The following ROS1 variants were observed in gnomAD, a reference collection of about 807,000 sequenced individuals.
ROS1 encodes proto-oncogene tyrosine-protein kinase ROS.
In ROS1, 263 loss-of-function variants were observed where a neutral mutation model predicts 273.5. That is an observed-to-expected ratio of 0.96 (90% confidence interval 0.87 to 1.06). The LOEUF (loss-of-function observed/expected upper bound fraction) is 1.06. ROS1 is among the 50% of genes least tolerant of loss of function. The probability of loss-of-function intolerance (pLI) is 0.00; values close to 1 mark genes in which losing one functional copy is unlikely to be tolerated. For missense variants in ROS1, 2,833 were observed against 2,751.1 expected, an observed-to-expected ratio of 1.03 and a Z score of -0.67; for synonymous variants, 1,008 against 954.1, an observed-to-expected ratio of 1.06 and a Z score of -1.04.
chr6:117,364,614 C>T (rs1780054672), intron 21 of ROS1, among the ~76,000 whole-genome samples: 1 of 152,206 alleles, frequency 6.6e-6, no homozygotes, highest in African/African-American at 2.4e-5. Context: ...AGGTGATACA[C>T]ACATGTAATG....
chr6:117,294,393 A>G (rs1423971763), intron 43 of ROS1, among the ~76,000 whole-genome samples: 1 of 151,974 alleles, frequency 6.6e-6, no homozygotes, highest in Non-Finnish European at 1.5e-5. Flanking sequence ...GAAAAACCTA[A>G]AGATTCCACA....
chr6:117,389,771 A>G lies in ROS1; in HGVS notation c.1365T>C (p.Ala455=), dbSNP rs375739794. 6.2e-7 allele frequency: 1 copy of G among 1,614,072 alleles called. No homozygotes were observed. Among genetic ancestry groups the G allele is most frequent in the Non-Finnish European group, 8.5e-7 (1 of 1,180,036 alleles). The change falls in exon 13 of 44, where the codon GCT becomes GCC. Residue 455 remains alanine (A), a synonymous_variant. Coordinates refer to ENST00000368507, the MANE Select transcript of ROS1 (RefSeq NM_001378902.1). ...LPVPSGRCAE[A]VRIVESCTLK... The stretch of plus-strand genomic sequence containing the variant: ...ACGTGCAACTCTCCACAATACGCAC[A>G]GCTTCTGCACACCGGCCAGATGGTA...
At chr6:117,312,764 T>C (rs2128551707) in intron 39 of ROS1, among the ~76,000 whole-genome samples, 1 of 152,276 alleles carries the variant, frequency 6.6e-6, no homozygotes, top group African/African-American at 2.4e-5. Context: ...TCCTTGACTC[T>C]AGATGCTACT....
At chr6:117,323,041 A>C (rs1034205384) in intron 35 of ROS1, among the ~76,000 whole-genome samples, 1 of 152,196 alleles carries the variant, frequency 6.6e-6, no homozygotes, top group Non-Finnish European at 1.5e-5. Context: ...GCAGACAAGC[A>C]GTCAAGCCTA....
intron 18 of ROS1, among the ~76,000 whole-genome samples, chr6:117,366,812 G>T (rs969809218): frequency 6.6e-6 from 1 of 152,070 alleles, no homozygotes; most frequent in African/African-American, 2.4e-5. Context: ...TGTGCTCTCT[G>T]GGGGCTTTTC....
At chr6:117,350,044 AAAACTT>A (rs200747358) in intron 27 of ROS1, among the ~76,000 whole-genome samples, 1,919 of 151,844 alleles carry the variant, frequency 0.013, 43 homozygotes, top group African/African-American at 0.044. Context: ...AAGAAAAAGA[AAAACTT>A]TTACTTTACT....
In ROS1 at chr6:117,288,710, C is replaced by T. The variant is rs1773606797; in HGVS notation, c.6808G>A (p.Val2270Ile). The change falls in exon 44 of 44, where the codon GTA becomes ATA. Residue 2270 changes from valine to isoleucine, a missense_variant. Val to Ile is a conservative substitution (Grantham distance 29). Coordinates refer to ENST00000368507, the MANE Select transcript of ROS1 (RefSeq NM_001378902.1). ...TKNREGLNYM[V>I]LATECGQGEE... Reference sequence around the variant, plus strand: ...CCTTGGCCACATTCTGTAGCAAGTACCATATAGTTTAACCCTTCTCGGTTC... The same window carrying T: ...CCTTGGCCACATTCTGTAGCAAGTATCATATAGTTTAACCCTTCTCGGTTC... The T allele has an allele frequency of 5.6e-6, 9 of 1,614,102 alleles. No individual in the cohort carries two copies. In the East Asian group the frequency reaches 1.1e-4, roughly 20 times the overall value.
chr6:117,366,402 A>G (rs1277449105), intron 18 of ROS1, 112 bp from the exon 19 acceptor site: 1 of 684,958 alleles, frequency 1.5e-6, no homozygotes, highest in Non-Finnish European at 2.5e-6. Flanking sequence ...ATTTGTGTAC[A>G]TTAAAATAAA....
chr6:117,387,055 G>C, intron 14 of ROS1, 56 bp from the exon 15 acceptor site: 1 of 942,100 alleles, frequency 1.1e-6, no homozygotes, highest in Non-Finnish European at 1.7e-6. Flanking sequence ...CTCTTTAAAG[G>C]TATCTTATAT....
intron 9 of ROS1, among the ~76,000 whole-genome samples, chr6:117,395,801 A>G (rs372534429): frequency 3.0e-4 from 46 of 152,152 alleles, no homozygotes; most frequent in African/African-American, 1.1e-3. Flanking sequence ...CTGGAAAACA[A>G]TGTCTGATAT....
chr6:117,309,281 C>T (rs576597235), intron 41 of ROS1, among the ~76,000 whole-genome samples: 1 of 152,106 alleles, frequency 6.6e-6, no homozygotes, highest in African/African-American at 2.4e-5. Context: ...CACAGAAACA[C>T]GTGCACACAC....
At chr6:117,319,735 T>G in intron 37 of ROS1, 133 bp downstream of exon 37, 2 of 715,416 alleles carry the variant, frequency 2.8e-6, no homozygotes, top group Non-Finnish European at 2.3e-6. Context: ...TTTCTGTAGC[T>G]ATGGATAGGC....
chr6:117,404,399 C>A lies in ROS1; in HGVS notation c.346G>T (p.Ala116Ser). The part of the protein sequence containing the change: ...ENADLPTAPF[A>S]SSIGSHNMTL... Reference sequence around the variant, plus strand: ...ATATTGTGGCTTCCAATGGAAGAAGCAAAGGGAGCAGTTGGTAGGTCTGCA... The same window carrying A: ...ATATTGTGGCTTCCAATGGAAGAAGAAAAGGGAGCAGTTGGTAGGTCTGCA... The change falls in exon 6 of 44, where the codon GCT (alanine) becomes TCT (serine). Residue 116 changes from alanine (A) to serine (S), a missense_variant. Ala to Ser is a moderately conservative substitution (Grantham distance 99). Transcript: ENST00000368507. 6.2e-7 allele frequency: 1 copy of A among 1,613,802 alleles called. No homozygotes were observed. The highest frequency in any genetic ancestry group is 8.5e-7 in the Non-Finnish European group (1 of 1,179,908).
chr6:117,412,910 G>C (rs1193901723), intron 4 of ROS1, among the ~76,000 whole-genome samples: 1 of 151,976 alleles, frequency 6.6e-6, no homozygotes, highest in East Asian at 1.9e-4. Flanking sequence ...CTATTCTTTG[G>C]GGGTAATTTT....
chr6:117,341,233 T>G lies in ROS1; in HGVS notation c.4963A>C (p.Lys1655Gln). 6.2e-7 allele frequency: 1 copy of G among 1,613,660 alleles called. No individual in the cohort carries two copies. Among genetic ancestry groups the G allele is most frequent in the Non-Finnish European group, 8.5e-7 (1 of 1,179,674 alleles). The change falls in exon 31 of 44, where the codon AAA becomes CAA. Residue 1655 changes from lysine (K) to glutamine (Q), a missense_variant. Coordinates refer to ENST00000368507, the MANE Select transcript of ROS1 (RefSeq NM_001378902.1). ...VTVEMFNTPE[K>Q]PYSLVPENTS... ...TTCTCTGGAACCAAGGAATAAGGTTTCTCTGGTGTGTTAAACATTTCCACA... is the reference window on the plus strand; with the variant it reads ...TTCTCTGGAACCAAGGAATAAGGTTGCTCTGGTGTGTTAAACATTTCCACA...
intron 42 of ROS1, among the ~76,000 whole-genome samples, chr6:117,305,643 G>A (rs185880640): frequency 6.6e-6 from 1 of 152,246 alleles, no homozygotes; most frequent in African/African-American, 2.4e-5. Context: ...TAAAAGTAAA[G>A]AATAAAACTT....
In ROS1 at chr6:117,357,792, G is replaced by A. The variant is rs1363914241; in HGVS notation, c.3839+12C>T. 1 of 1,514,048 alleles carries A rather than the reference G, an allele frequency of 6.6e-7. No homozygotes were observed. Among genetic ancestry groups the A allele is most frequent in the Non-Finnish European group, 9.1e-7 (1 of 1,095,446 alleles). 93.8% of individuals were successfully genotyped at this position (1,514,048 alleles called of 1,614,324 possible). A position where few individuals can be genotyped will look rare whatever the true frequency, so the allele number is the denominator to read the frequency against. On this transcript the variant is annotated intron_variant, in intron 25 of 43. Coordinates refer to ENST00000368507, the MANE Select transcript of ROS1 (RefSeq NM_001378902.1). The stretch of plus-strand genomic sequence containing the variant: ...TTCATCACAATATAAAAAAATACTT[G>A]CATTTACATACCTTAAAAGAGGATA...
chr6:117,293,961 AG>A (rs1562243253), intron 43 of ROS1, among the ~76,000 whole-genome samples: 1 of 152,218 alleles, frequency 6.6e-6, no homozygotes, highest in African/African-American at 2.4e-5. Flanking sequence ...ACTATGATCA[AG>A]TAAGATTTAT....
chr6:117,378,698 T>C (rs1378272283), intron 18 of ROS1, among the ~76,000 whole-genome samples: 1 of 152,212 alleles, frequency 6.6e-6, no homozygotes, highest in Non-Finnish European at 1.5e-5. Flanking sequence ...AGATAATTCA[T>C]GTGGTCCCTT....
Sources: allele counts gnomAD v4.1 joint callset (sites outside exome capture counted in the v4.1 genomes callset), GRCh38; gene constraint gnomAD v4.1.1; transcripts MANE v1.5; gene names NCBI Gene and HGNC (gene_info 2026-07-23, HGNC 2026-07-21).